The following GATAD2B variants were observed in gnomAD, a reference collection of about 807,000 sequenced individuals.
GATAD2B encodes GATA zinc finger domain containing 2B.
A neutral mutation model predicts 64.3 loss-of-function variants in GATAD2B; 8 were observed. The observed-to-expected ratio is 0.12, with a 90% CI of 0.07 to 0.22. The LOEUF is 0.22. Ranked by LOEUF, GATAD2B falls within the 10% of genes least tolerant of loss-of-function variation. The pLI is 1.00. For missense variants in GATAD2B, 453 were observed against 752.0 expected, an observed-to-expected ratio of 0.60 and a Z score of 4.65; for synonymous variants, 281 against 271.3, an observed-to-expected ratio of 1.04 and a Z score of -0.35.
rs1372185703 is a variant in GATAD2B at position 153,852,648 on chromosome 1, C to T, written c.-1-24300G>A. The T allele has an allele frequency of 7.1e-6, 6 of 846,574 alleles. No homozygotes were observed. In the Admixed American group the frequency reaches 1.0e-4, roughly 14 times the overall value. 52.4% of individuals were successfully genotyped at this position (846,574 alleles called of 1,614,324 possible). On this transcript the variant is annotated intron_variant, in intron 1 of 10. Transcript: ENST00000368655. ...AAATTCAATCAAGTGAACAGAAGAA[C>T]GGAGCTGAGAAATGGTCTCTTGGCT...
At chr1:153,897,091 C>T (rs1186203740) in intron 1 of GATAD2B, among the ~76,000 whole-genome samples, 3 of 150,548 alleles carry the variant, frequency 2.0e-5, no homozygotes, top group South Asian at 2.1e-4. Context: ...TGCAGTGGCA[C>T]GATCTCGGCT....
chr1:153,901,053 A>G (rs1677753796), intron 1 of GATAD2B, among the ~76,000 whole-genome samples: 1 of 151,988 alleles, frequency 6.6e-6, no homozygotes, highest in South Asian at 2.1e-4. Context: ...ATCTCTACTA[A>G]AAATACAAAA....
chr1:153,922,483 G>T (rs959676848), intron 1 of GATAD2B, among the ~76,000 whole-genome samples: 4 of 149,220 alleles, frequency 2.7e-5, no homozygotes, highest in Admixed American at 6.7e-5. Flanking sequence ...GCGCGCCAAG[G>T]GGGGAGAGGA....
rs1021825922 is a variant in GATAD2B at position 153,848,724 on chromosome 1, C to T, written c.-1-20376G>A. Among the ~76,000 whole-genome samples, 8 of 152,200 alleles carry T rather than the reference C, an allele frequency of 5.3e-5. No individual in the cohort carries two copies. The South Asian group carries it at 8.3e-4, about 16-fold the overall frequency. ...CTTCAAGCACTTTGGGAGGCCGAGG[C>T]GGGTGGATCATGAGGTCAGGAGTTC... is the stretch of plus-strand genomic sequence containing the variant. On this transcript the variant is annotated intron_variant, in intron 1 of 10. Transcript: ENST00000368655.
At chr1:153,852,409 C>G (rs1675931177) in intron 1 of GATAD2B, 1 of 789,654 alleles carries the variant, frequency 1.3e-6, no homozygotes, top group Non-Finnish European at 2.3e-6. Flanking sequence ...CTGTGGTCAT[C>G]ATGGATGTTG....
At chr1:153,866,050 A>G (rs1291063118) in intron 1 of GATAD2B, among the ~76,000 whole-genome samples, 1 of 152,114 alleles carries the variant, frequency 6.6e-6, no homozygotes, top group Non-Finnish European at 1.5e-5. Context: ...ACAAAAATAC[A>G]AAACTTAGCC....
At chr1:153,914,427 C>T (rs1249289249) in intron 1 of GATAD2B, among the ~76,000 whole-genome samples, 2 of 152,120 alleles carry the variant, frequency 1.3e-5, no homozygotes, top group African/African-American at 2.4e-5. Flanking sequence ...AACTAAGGCT[C>T]AGAGACTTCA....
chr1:153,910,709 T>A (rs940491925), intron 1 of GATAD2B, among the ~76,000 whole-genome samples: 6 of 152,076 alleles, frequency 3.9e-5, no homozygotes, highest in African/African-American at 1.2e-4. Context: ...CACTGTGCTC[T>A]AGCCTGGGTG....
At chr1:153,848,878 G>A (rs1193302148) in intron 1 of GATAD2B, among the ~76,000 whole-genome samples, 5 of 152,096 alleles carry the variant, frequency 3.3e-5, no homozygotes, top group Admixed American at 6.6e-5. Flanking sequence ...GCTTGAACCC[G>A]GGAGGCAGAG....
intron 1 of GATAD2B, chr1:153,898,724 A>T (rs1002194282): frequency 6.6e-6 from 1 of 152,238 alleles, no homozygotes; most frequent in Non-Finnish European, 1.5e-5. Flanking sequence ...ACAAAACCTA[A>T]ATCTATTGAA....
At chr1:153,869,071 T>C (rs1676574685) in intron 1 of GATAD2B, among the ~76,000 whole-genome samples, 1 of 152,056 alleles carries the variant, frequency 6.6e-6, no homozygotes, top group Admixed American at 6.6e-5. Context: ...GGCAGGCAGA[T>C]CACCTGAGGT....
At chr1:153,852,304 C>A in intron 1 of GATAD2B, 1 of 1,038,884 alleles carries the variant, frequency 9.6e-7, no homozygotes. Context: ...GAAGTGGAGG[C>A]TGTCAGACAC....
chr1:153,831,509 A>T (rs1323327789), intron 1 of GATAD2B, among the ~76,000 whole-genome samples: 3 of 152,194 alleles, frequency 2.0e-5, no homozygotes, highest in Non-Finnish European at 4.4e-5. Flanking sequence ...AAAATAATAA[A>T]AAAAAAAGAA....
At chr1:153,848,470 A>G (rs1475466748) in intron 1 of GATAD2B, among the ~76,000 whole-genome samples, 1 of 152,112 alleles carries the variant, frequency 6.6e-6, no homozygotes, top group African/African-American at 2.4e-5. Context: ...GTCTTATTCT[A>G]CACTCATGAT....
intron 1 of GATAD2B, among the ~76,000 whole-genome samples, chr1:153,862,960 G>T (rs1173139865): frequency 6.7e-6 from 1 of 149,478 alleles, no homozygotes; most frequent in African/African-American, 2.5e-5. Flanking sequence ...CCGACCTCAG[G>T]TGATCTGCCC....
intron 4 of GATAD2B, 66 bp downstream of exon 4, chr1:153,818,725 G>C: frequency 6.7e-7 from 1 of 1,485,358 alleles, no homozygotes; most frequent in African/African-American, 1.4e-5. Context: ...ACCTACCTGG[G>C]GGAACCTACT....
At chr1:153,817,944 T>C (rs1674540873) in intron 5 of GATAD2B, 96 bp downstream of exon 5, 5 of 1,105,198 alleles carry the variant, frequency 4.5e-6, no homozygotes, top group Non-Finnish European at 6.4e-6. Flanking sequence ...ACCTCTATCA[T>C]GGCCAGGTTC....
chr1:153,814,372 G>A (rs1468773039), intron 7 of GATAD2B, among the ~76,000 whole-genome samples: 2 of 152,128 alleles, frequency 1.3e-5, no homozygotes, highest in Non-Finnish European at 2.9e-5. Context: ...CTTTTTATAA[G>A]GTCTTTCTTA....
chr1:153,901,876 GTCTACA>G (rs1677787066), intron 1 of GATAD2B, among the ~76,000 whole-genome samples: 1 of 149,542 alleles, frequency 6.7e-6, no homozygotes, highest in Non-Finnish European at 1.5e-5. Flanking sequence ...TGGCCCTGGT[GTCTACA>G]GCCATACCAC....
Sources: allele counts gnomAD v4.1 joint callset (sites outside exome capture counted in the v4.1 genomes callset), GRCh38; gene constraint gnomAD v4.1.1; transcripts MANE v1.5; gene names NCBI Gene and HGNC (gene_info 2026-07-23, HGNC 2026-07-21).